ORC2: variants seen among roughly 807,000 people sequenced by gnomAD.
The protein encoded by ORC2 is origin recognition complex subunit 2, also known as origin recognition complex protein 2 homolog.
ORC2 carries 37 observed loss-of-function variants against 77.7 expected under a neutral mutation model. The ratio of observed to expected loss-of-function variants is 0.48; its 90% CI spans 0.37 to 0.63. The LOEUF (loss-of-function observed/expected upper bound fraction) is 0.63. Among genes scored for constraint, ORC2 ranks in the 20% least tolerant of loss-of-function variants. The pLI is 0.00. For synonymous variants in ORC2, 201 were observed against 229.5 expected (o/e 0.88, Z 1.12); for missense variants, 557 against 661.9 (o/e 0.84, Z 1.74).
At chr2:200,924,553 C>G (rs1302930600) in intron 13 of ORC2, among the ~76,000 whole-genome samples, 3 of 152,070 alleles carry the variant, frequency 2.0e-5, no homozygotes, top group African/African-American at 7.2e-5. Flanking sequence ...TCCATCAAAG[C>G]AGTTAGGCAT....
At chr2:200,938,075 T>G in intron 7 of ORC2, 109 bp from the exon 8 acceptor site, 1 of 663,364 alleles carries the variant, frequency 1.5e-6, no homozygotes, top group East Asian at 2.7e-5. Flanking sequence ...TAGACTGCAT[T>G]AGAACTAGAT....
chr2:200,911,271 C>T lies in ORC2; in HGVS notation c.*30G>A. ...GAGTGGCAGCTGGGGTACAACCCTT[C>T]CATGGGAGATTCAAGAATAAAGGAA... On this transcript the variant is annotated 3_prime_UTR_variant, in exon 18 of 18. Transcript: ENST00000234296. 7.4e-7 allele frequency: 1 copy of T among 1,358,182 alleles called. No individual in the cohort carries two copies. The highest frequency in any genetic ancestry group is 1.1e-6 in the Non-Finnish European group (1 of 947,518). The allele number at this position is 1,358,182 out of a possible 1,614,324, so 84.1% of individuals were successfully genotyped here. A position where few individuals can be genotyped will look rare whatever the true frequency, so the allele number is the denominator to read the frequency against.
At chr2:200,925,005 T>G (rs879354797) in intron 13 of ORC2, among the ~76,000 whole-genome samples, 30 of 152,258 alleles carry the variant, frequency 2.0e-4, no homozygotes, top group Admixed American at 1.9e-3. Context: ...GGTGACCCAC[T>G]GAGCTCGGCC....
chr2:200,942,902 A>G, intron 5 of ORC2, 125 bp from the exon 6 acceptor site: 1 of 515,342 alleles, frequency 1.9e-6, no homozygotes, highest in Non-Finnish European at 3.4e-6. Flanking sequence ...AAATAATCCT[A>G]CCCATATTAG....
chr2:200,921,464 T>C (rs190689421), intron 13 of ORC2: 26 of 168,050 alleles, frequency 1.5e-4, no homozygotes, highest in African/African-American at 5.2e-4. Context: ...TTTAGTGATA[T>C]TTCAGTGATT....
At chr2:200,953,901 C>T (rs1043009373) in intron 4 of ORC2, among the ~76,000 whole-genome samples, 4 of 152,180 alleles carry the variant, frequency 2.6e-5, no homozygotes, top group Non-Finnish European at 5.9e-5. Context: ...ACTGCAGCCT[C>T]AACCTCCTGG....
At chr2:200,935,979 A>C (rs962382081) in intron 8 of ORC2, 87 bp from the exon 9 acceptor site, 2 of 1,077,478 alleles carry the variant, frequency 1.9e-6, no homozygotes, top group African/African-American at 3.2e-5. Flanking sequence ...GGGGCTCTGT[A>C]GTAAGAGTCT....
chr2:200,946,967 A>AT (rs2125013443), intron 5 of ORC2, among the ~76,000 whole-genome samples: 1 of 152,190 alleles, frequency 6.6e-6, no homozygotes, highest in African/African-American at 2.4e-5. Flanking sequence ...CAGTGGTGCA[A>AT]TCTTGGCTCA....
chr2:200,923,477 T>C (rs2040791719), intron 13 of ORC2, among the ~76,000 whole-genome samples: 1 of 152,154 alleles, frequency 6.6e-6, no homozygotes, highest in South Asian at 2.1e-4. Context: ...CTCAAACTCC[T>C]AACCTCAAGT....
intron 17 of ORC2, among the ~76,000 whole-genome samples, chr2:200,912,234 A>G (rs2040562149): frequency 1.3e-5 from 2 of 152,178 alleles, no homozygotes; most frequent in South Asian, 4.1e-4. Flanking sequence ...ATCTAAATAT[A>G]TAAGAATCAT....
chr2:200,927,154 G>A (rs2040853055), intron 11 of ORC2, among the ~76,000 whole-genome samples: 1 of 151,832 alleles, frequency 6.6e-6, no homozygotes, highest in African/African-American at 2.4e-5. Context: ...GGCACTCTTG[G>A]CTCACTGCAA....
At chr2:200,933,459 G>A (rs1315043815) in intron 10 of ORC2, among the ~76,000 whole-genome samples, 2 of 152,072 alleles carry the variant, frequency 1.3e-5, no homozygotes, top group Non-Finnish European at 2.9e-5. Context: ...ATGGTAAATG[G>A]ATATCAAGGA....
intron 5 of ORC2, among the ~76,000 whole-genome samples, chr2:200,945,499 C>T (rs890133991): frequency 7.7e-6 from 1 of 129,586 alleles, no homozygotes; most frequent in Non-Finnish European, 1.6e-5. Context: ...GAGCCTAGGA[C>T]ATGGAAGTTG....
At chr2:200,951,040 A>C (rs940113638) in intron 4 of ORC2, among the ~76,000 whole-genome samples, 2 of 152,214 alleles carry the variant, frequency 1.3e-5, no homozygotes, top group African/African-American at 4.8e-5. Context: ...GGTTTCTTAT[A>C]AAATAGACTT....
At chr2:200,928,181 T>C (rs1032704590) in intron 11 of ORC2, among the ~76,000 whole-genome samples, 2 of 151,172 alleles carry the variant, frequency 1.3e-5, no homozygotes, top group African/African-American at 4.9e-5. Context: ...CATGGTGAAA[T>C]CCTGTCTCTA....
chr2:200,922,965 G>A (rs1291255171), intron 13 of ORC2, among the ~76,000 whole-genome samples: 1 of 152,002 alleles, frequency 6.6e-6, no homozygotes, highest in Non-Finnish European at 1.5e-5. Flanking sequence ...TAAATAATAA[G>A]GTTGAAAGAA....
intron 13 of ORC2, among the ~76,000 whole-genome samples, chr2:200,923,878 G>A (rs928246941): frequency 6.6e-6 from 1 of 152,144 alleles, no homozygotes; most frequent in African/African-American, 2.4e-5. Flanking sequence ...CTTAGAATAT[G>A]TACATTGGGC....
At chr2:200,937,263 G>T (rs1413412871) in intron 8 of ORC2, among the ~76,000 whole-genome samples, 1 of 152,156 alleles carries the variant, frequency 6.6e-6, no homozygotes, top group Non-Finnish European at 1.5e-5. Context: ...TAGTTGACAT[G>T]AAATAACAAT....
rs1418468662 is a variant in ORC2, at chr2:200,941,165, A to T, written c.453+83T>A. 3.6e-6 allele frequency: 4 copies of T among 1,115,078 alleles called. 1 individual carries two copies. The African/African-American group carries it at 4.7e-5, about 13-fold the overall frequency. The allele number at this position is 1,115,078 out of a possible 1,614,324, so 69.1% of individuals were successfully genotyped here. A position where few individuals can be genotyped will look rare whatever the true frequency, so the allele number is the denominator to read the frequency against. On this transcript the variant is annotated intron_variant, in intron 7 of 17. Coordinates refer to ENST00000234296, the MANE Select transcript of ORC2 (RefSeq NM_006190.5). ...AAGCACTATATAAATTAAGAGATCA[A>T]TTTTTTCATTGAATTTCTGGCAATT...
Sources: allele counts gnomAD v4.1 joint callset (sites outside exome capture counted in the v4.1 genomes callset), GRCh38; gene constraint gnomAD v4.1.1; transcripts MANE v1.5; gene names NCBI Gene and HGNC (gene_info 2026-07-23, HGNC 2026-07-21).